Variants in RBM39 observed in about 807,000 individuals in gnomAD.
RBM39 encodes RNA-binding protein 39.
Under a neutral mutation model 79.6 loss-of-function variants are expected in RBM39, and 12 were observed. The observed-to-expected ratio is 0.15, with a 90% CI of 0.10 to 0.24. The LOEUF (loss-of-function observed/expected upper bound fraction) is 0.24, where lower values mean the gene tolerates loss of function less well. Ranked by LOEUF, RBM39 falls within the 10% of genes least tolerant of loss-of-function variation. RBM39 has a pLI of 1.00. For synonymous variants in RBM39, 185 were observed against 208.4 expected (o/e 0.89, Z 0.97); for missense variants, 243 against 653.4 (o/e 0.37, Z 6.85).
At chr20:35,707,354 G>C in intron 13 of RBM39, 153 bp from the exon 14 acceptor site, 3 of 432,440 alleles carry the variant, frequency 6.9e-6, no homozygotes, top group Non-Finnish European at 1.2e-5. Context: ...ACTAATGTAT[G>C]TTATCAGTAG....
intron 9 of RBM39, among the ~76,000 whole-genome samples, chr20:35,718,757 G>A (rs1389115702): frequency 1.4e-5 from 2 of 145,802 alleles, no homozygotes; most frequent in Non-Finnish European, 3.0e-5. Flanking sequence ...GGGTTATGGT[G>A]AGCTGAGATC....
Position 35,704,489 on chromosome 20 carries a change from T to C in RBM39, c.1585A>G (p.Arg529Gly). The C allele has an allele frequency of 2.5e-6, 4 of 1,607,114 alleles. No individual in the cohort carries two copies. Among genetic ancestry groups the C allele is most frequent in the Non-Finnish European group, 3.4e-6 (4 of 1,174,340 alleles). ...AGGGACTATATCTTCCTTCATCGTC[T>C]ACTTGGAACCAGTAGCTGTGTTGCT... ...MTATQLLVPS[R>G]R Residue 529 changes from arginine (R) to glycine (G), a missense_variant, in exon 17 of 17, where the codon AGA becomes GGA. Physicochemically the swap from Arg to Gly is moderately radical, Grantham distance 125. Coordinates refer to ENST00000253363, the MANE Select transcript of RBM39 (RefSeq NM_184234.3).
At chr20:35,739,178 T>C in intron 2 of RBM39, 161 bp from the exon 3 acceptor site, 1 of 685,032 alleles carries the variant, frequency 1.5e-6, no homozygotes, top group South Asian at 1.7e-5. Context: ...TAGATGGGTA[T>C]GTGTTTAACC....
chr20:35,715,164 G>T (rs1213790412), intron 10 of RBM39, among the ~76,000 whole-genome samples: 1 of 152,066 alleles, frequency 6.6e-6, no homozygotes. Flanking sequence ...TATGTTTCCA[G>T]GACCTTAAAA....
At position 35,707,913 on chromosome 20, in the gene RBM39, AT is replaced by A. The variant is rs1339472823; in HGVS notation, c.1226-713del. Reference sequence around the variant, plus strand: ...ATGCTTTCACGTGATTTACAAAAATATTACCAGTAGCTGTTACAGAACTCAC... The same window carrying A: ...ATGCTTTCACGTGATTTACAAAAATATACCAGTAGCTGTTACAGAACTCAC... On this transcript the variant is annotated intron_variant, in intron 13 of 16. Transcript: ENST00000253363. 1.7e-5 allele frequency: 8 copies of A among 467,334 alleles called. No homozygotes were observed. The Admixed American group carries it at 1.9e-4, about 11-fold the overall frequency. 28.9% of individuals were successfully genotyped at this position (467,334 alleles called of 1,614,324 possible).
At chr20:35,711,758 CA>C (rs2036445716) in intron 12 of RBM39, among the ~76,000 whole-genome samples, 1 of 152,142 alleles carries the variant, frequency 6.6e-6, no homozygotes, top group South Asian at 2.1e-4. Context: ...AATCATGAAG[CA>C]ACCACAGGAC....
intron 4 of RBM39, among the ~76,000 whole-genome samples, chr20:35,730,895 G>T (rs941165016): frequency 2.6e-5 from 4 of 152,068 alleles, no homozygotes; most frequent in Non-Finnish European, 5.9e-5. Flanking sequence ...CAGCATCACG[G>T]AGTTTAATTC....
intron 14 of RBM39, among the ~76,000 whole-genome samples, chr20:35,705,787 CAAA>C (rs201075378): frequency 1.6e-5 from 2 of 127,490 alleles, no homozygotes. Context: ...AACTCCGTCT[CAAA>C]AAAAAAAAAA....
chr20:35,727,485 CCTTT>C (rs1043944196), intron 6 of RBM39, among the ~76,000 whole-genome samples: 3 of 151,458 alleles, frequency 2.0e-5, no homozygotes, highest in Non-Finnish European at 4.4e-5. Flanking sequence ...AATACAGTTC[CCTTT>C]TTTTTTGTAG....
rs546124206 is a variant in RBM39 at position 35,731,924 on chromosome 20, T to A, written c.296+17A>T. 16 of 1,610,356 alleles carry A rather than the reference T, an allele frequency of 9.9e-6. No individual in the cohort carries two copies. The South Asian group carries it at 1.7e-4, about 17-fold the overall frequency. ...GAGAATAACCCTCAAACCAAAATCA[T>A]AACTATAGTTACATACTAAGGACTT... On this transcript the variant is annotated intron_variant, in intron 4 of 16. Coordinates refer to ENST00000253363, the MANE Select transcript of RBM39 (RefSeq NM_184234.3).
intron 3 of RBM39, chr20:35,734,271 A>G (rs1056939652): frequency 2.3e-6 from 3 of 1,284,686 alleles, no homozygotes; most frequent in South Asian, 2.5e-5. Flanking sequence ...AAATTTCAAG[A>G]TAATCCACCT....
At chr20:35,732,744 C>T (rs1390100727) in intron 3 of RBM39, 1 of 152,616 alleles carries the variant, frequency 6.6e-6, no homozygotes, top group African/African-American at 2.4e-5. Context: ...AAATGTGAAC[C>T]TTTAAATAGT....
At chr20:35,738,330 T>A (rs540914343) in intron 3 of RBM39, among the ~76,000 whole-genome samples, 3 of 152,306 alleles carry the variant, frequency 2.0e-5, no homozygotes, top group South Asian at 4.1e-4. Flanking sequence ...TTTCGTACAC[T>A]GTTTTCTGTA....
Position 35,704,316 on chromosome 20 carries a change from G to A in RBM39, c.*165C>T. ...GGGATTTACTATTTAGGGAGAATGAGCACACTGCATTCCTGTTAACATTTT... is the reference window on the plus strand; with the variant it reads ...GGGATTTACTATTTAGGGAGAATGAACACACTGCATTCCTGTTAACATTTT... On this transcript the variant is annotated 3_prime_UTR_variant, in exon 17 of 17. Transcript: ENST00000253363. 3.7e-6 allele frequency: 2 copies of A among 543,682 alleles called. No individual in the cohort carries two copies. The highest frequency in any genetic ancestry group is 6.5e-6 in the Non-Finnish European group (2 of 308,368). The allele number at this position is 543,682 out of a possible 1,614,324, so 33.7% of individuals were successfully genotyped here. A position where few individuals can be genotyped will look rare whatever the true frequency, so the allele number is the denominator to read the frequency against.
intron 3 of RBM39, 55 bp downstream of exon 3, chr20:35,738,913 T>A: frequency 6.8e-7 from 1 of 1,471,102 alleles, no homozygotes; most frequent in Non-Finnish European, 9.5e-7. Flanking sequence ...CAACTTAAGG[T>A]CTAAAACCAC....
chr20:35,722,170 G>A (rs2146603739), intron 8 of RBM39, among the ~76,000 whole-genome samples: 1 of 152,200 alleles, frequency 6.6e-6, no homozygotes, highest in Non-Finnish European at 1.5e-5. Flanking sequence ...CACTTTAGTA[G>A]GCTAAAGCAG....
intron 3 of RBM39, among the ~76,000 whole-genome samples, 173 bp downstream of exon 3, chr20:35,738,795 A>G (rs1239124281): frequency 6.6e-6 from 1 of 152,254 alleles, no homozygotes; most frequent in Non-Finnish European, 1.5e-5. Context: ...AAGCAAAAAA[A>G]TCCACAGTTC....
At chr20:35,730,272 G>A (rs1456796856) in intron 4 of RBM39, among the ~76,000 whole-genome samples, 4 of 152,158 alleles carry the variant, frequency 2.6e-5, no homozygotes, top group Non-Finnish European at 5.9e-5. Flanking sequence ...CAGTTTTTGT[G>A]ACTTTTTAAA....
At chr20:35,729,241 T>C (rs2039101807) in intron 6 of RBM39, 71 bp downstream of exon 6, 5 of 1,314,714 alleles carry the variant, frequency 3.8e-6, no homozygotes, top group African/African-American at 1.5e-5. Context: ...TTACTAAATA[T>C]CATCAAATTT....
Sources: gnomAD v4.1 joint callset for allele counts (sites outside exome capture counted in the v4.1 genomes callset) on GRCh38, gnomAD v4.1.1 for gene constraint, MANE v1.5 for transcripts, NCBI Gene and HGNC (gene_info 2026-07-23, HGNC 2026-07-21) for gene names.